Variants in TRIM2 observed in about 807,000 individuals in gnomAD.
The protein encoded by TRIM2 is tripartite motif containing 2.
Under a neutral mutation model 75.2 loss-of-function variants are expected in TRIM2, and 20 were observed. That is an observed-to-expected ratio of 0.27 (90% CI 0.19 to 0.39). The LOEUF (loss-of-function observed/expected upper bound fraction) is 0.39. TRIM2 is among the 10% of genes least tolerant of loss of function. The probability of loss-of-function intolerance (pLI) is 1.00; values close to 1 mark genes in which losing one functional copy is unlikely to be tolerated. For missense variants in TRIM2, 660 were observed against 990.8 expected, an observed-to-expected ratio of 0.67 and a Z score of 4.48; for synonymous variants, 373 against 388.3, an observed-to-expected ratio of 0.96 and a Z score of 0.46.
intron 1 of TRIM2, among the ~76,000 whole-genome samples, chr4:153,163,495 CTTTTTTTTTT>C (rs70949644): frequency 2.0e-5 from 2 of 98,680 alleles, no homozygotes; most frequent in East Asian, 3.1e-4. Context: ...AGATTTACAT[CTTTTTTTTTT>C]TTTTTTTTTT....
chr4:153,192,571 C>T (rs1239183759), intron 1 of TRIM2, among the ~76,000 whole-genome samples: 5 of 143,328 alleles, frequency 3.5e-5, no homozygotes, highest in Non-Finnish European at 4.5e-5. Context: ...CATGCCATTG[C>T]ATCCCAGCCA....
chr4:153,284,071 G>T (rs28776259), intron 3 of TRIM2, among the ~76,000 whole-genome samples: 27,090 of 150,566 alleles, frequency 0.18, 3,060 homozygotes, highest in African/African-American at 0.32. Flanking sequence ...TAGAGATGGG[G>T]TTTCACCATG....
chr4:153,256,172 T>C (rs996041063), intron 1 of TRIM2, among the ~76,000 whole-genome samples: 1 of 152,254 alleles, frequency 6.6e-6, no homozygotes, highest in Non-Finnish European at 1.5e-5. Flanking sequence ...AAATAGGGTG[T>C]TAACTGGGAT....
At chr4:153,188,400 C>A (rs1732835487) in intron 1 of TRIM2, among the ~76,000 whole-genome samples, 2 of 152,044 alleles carry the variant, frequency 1.3e-5, no homozygotes, top group Non-Finnish European at 2.9e-5. Context: ...GTAGAGGCTG[C>A]AGTGAGCTGA....
At chr4:153,175,443 C>A (rs578115176) in intron 1 of TRIM2, among the ~76,000 whole-genome samples, 7 of 151,998 alleles carry the variant, frequency 4.6e-5, no homozygotes, top group Non-Finnish European at 5.9e-5. Flanking sequence ...GTGATGGTGG[C>A]CTTCACCGAG....
chr4:153,298,620 C>T (rs1020528625), intron 6 of TRIM2, among the ~76,000 whole-genome samples: 8 of 152,084 alleles, frequency 5.3e-5, no homozygotes, highest in African/African-American at 1.4e-4. Context: ...ATATGCATAC[C>T]TTATTGAATG....
chr4:153,286,047 T>C lies in TRIM2; in HGVS notation c.454-6935T>C, dbSNP rs1047208755. Among the ~76,000 whole-genome samples the C allele has an allele frequency of 2.0e-5, 3 of 152,208 alleles. No homozygotes were observed. In the East Asian group the frequency reaches 5.8e-4, roughly 29 times the overall value. On this transcript the variant is annotated intron_variant, in intron 3 of 11. Coordinates refer to ENST00000338700, the MANE Select transcript of TRIM2 (RefSeq NM_015271.5). Reference sequence around the variant, plus strand: ...GTTTCTAGTTTGGCATGAAAAGATATTGGATTTTGTTAAATGCTTTTCCCA... The same window carrying C: ...GTTTCTAGTTTGGCATGAAAAGATACTGGATTTTGTTAAATGCTTTTCCCA...
chr4:153,187,489 T>G (rs887234613), intron 1 of TRIM2, among the ~76,000 whole-genome samples: 1 of 152,210 alleles, frequency 6.6e-6, no homozygotes, highest in Non-Finnish European at 1.5e-5. Context: ...AGAGGAATAC[T>G]GAGAGAGCTT....
upstream of TRIM2, among the ~76,000 whole-genome samples, chr4:153,199,850 T>C (rs1202849564): frequency 6.6e-6 from 1 of 152,052 alleles, no homozygotes; most frequent in Non-Finnish European, 1.5e-5. Flanking sequence ...CATAGGTCAT[T>C]GAAGCCTAAA....
intron 6 of TRIM2, among the ~76,000 whole-genome samples, chr4:153,314,585 C>CAAACAAAACA (rs111871812): frequency 0.025 from 3,714 of 151,340 alleles, 159 homozygotes; most frequent in African/African-American, 0.086. Context: ...CTGTCTCAAA[C>CAAACAAAACA]AAACAAAACA....
intron 6 of TRIM2, among the ~76,000 whole-genome samples, 168 bp downstream of exon 6, chr4:153,296,204 C>G (rs879847611): frequency 1.3e-5 from 2 of 152,180 alleles, no homozygotes; most frequent in East Asian, 3.8e-4. Context: ...CTTATGCAGT[C>G]TCCTCCAGAG....
rs549841731 is a variant in TRIM2, at chr4:153,213,949, CAATTAG to C, written c.30+9392_30+9397del. On this transcript the variant is annotated intron_variant, in intron 1 of 11. Coordinates refer to ENST00000338700, the MANE Select transcript of TRIM2 (RefSeq NM_015271.5). ...GCTACATATTTTGTTCCAGATTGCA[CAATTAG>C]AAAGTGGCAGCTTAGCACCATAAGA... 6.5e-4 allele frequency among the ~76,000 whole-genome samples: 98 copies of C among 150,718 alleles called. 1 individual carries two copies. The South Asian group carries it at 0.019, about 30-fold the overall frequency.
At chr4:153,244,115 A>AGTG (rs1490702752) in intron 1 of TRIM2, among the ~76,000 whole-genome samples, 68 of 148,976 alleles carry the variant, frequency 4.6e-4, no homozygotes, top group African/African-American at 1.5e-3. Flanking sequence ...CTACTGTGCC[A>AGTG]CTGCCATCTT....
intron 1 of TRIM2, among the ~76,000 whole-genome samples, chr4:153,156,532 G>A (rs1353060364): frequency 1.3e-5 from 2 of 152,290 alleles, no homozygotes; most frequent in Non-Finnish European, 2.9e-5. Flanking sequence ...GGGGTGAGTG[G>A]GGTTCAGGAG....
chr4:153,193,400 G>T (rs145950640), intron 1 of TRIM2, among the ~76,000 whole-genome samples: 2,451 of 152,194 alleles, frequency 0.016, 35 homozygotes, highest in Non-Finnish European at 0.026. Flanking sequence ...CAAAGTGCTG[G>T]GATTACAGGC....
intron 1 of TRIM2, among the ~76,000 whole-genome samples, chr4:153,266,277 C>T (rs1403153554): frequency 6.6e-6 from 1 of 152,034 alleles, no homozygotes; most frequent in African/African-American, 2.4e-5. Context: ...TCAAGCACTC[C>T]TCCCACCTCA....
intron 1 of TRIM2, among the ~76,000 whole-genome samples, chr4:153,244,352 T>C (rs1457698091): frequency 3.0e-4 from 10 of 33,166 alleles, no homozygotes; most frequent in African/African-American, 4.5e-4. Context: ...CTTCTTCTTC[T>C]TCCTCTTCTT....
At chr4:153,239,279 G>A (rs1745848316) in intron 1 of TRIM2, among the ~76,000 whole-genome samples, 1 of 151,792 alleles carries the variant, frequency 6.6e-6, no homozygotes, top group Admixed American at 6.6e-5. Context: ...GTGAACGCGG[G>A]AGGCAGAGCT....
rs541556453 is a variant in TRIM2, at chr4:153,319,989, T to C, written c.1783-2659T>C. Among the ~76,000 whole-genome samples, 52 of 152,278 alleles carry C rather than the reference T, an allele frequency of 3.4e-4. 1 individual carries two copies. Among genetic ancestry groups the C allele is most frequent in the African/African-American group, 1.2e-3 (51 of 41,574 alleles). ...CTTTTTATTCTAGATAATTATCCAT[T>C]TGATATTATTTGGTTGAGTCATCTA... On this transcript the variant is annotated intron_variant, in intron 8 of 11. Transcript: ENST00000338700.
Sources: allele counts gnomAD v4.1 joint callset (sites outside exome capture counted in the v4.1 genomes callset), GRCh38; gene constraint gnomAD v4.1.1; transcripts MANE v1.5; gene names NCBI Gene and HGNC (gene_info 2026-07-23, HGNC 2026-07-21).